Variants in FANCL observed in about 807,000 individuals in gnomAD.
The protein encoded by FANCL is E3 ubiquitin-protein ligase FANCL.
In FANCL, 69 loss-of-function variants were observed where a neutral mutation model predicts 59.4. The observed-to-expected ratio is 1.16, with a 90% CI of 0.96 to 1.42. The LOEUF (loss-of-function observed/expected upper bound fraction) is 1.42, where lower values mean the gene tolerates loss of function less well. Ranked by LOEUF, FANCL falls within the 40% of genes most tolerant of loss-of-function variation. The pLI, the probability that FANCL is intolerant of heterozygous loss-of-function variation, is 0.00. For synonymous variants in FANCL, 180 were observed against 147.1 expected (o/e 1.22, Z -1.62); for missense variants, 519 against 447.2 (o/e 1.16, Z -1.45).
intron 9 of FANCL, 80 bp downstream of exon 9, chr2:58,163,354 A>G (rs1014286723): frequency 1.6e-5 from 15 of 960,932 alleles, no homozygotes; most frequent in African/African-American, 1.1e-4. Flanking sequence ...TTAATATACT[A>G]ATATTGTCTA....
At chr2:58,164,214 A>G (rs978359736) in intron 8 of FANCL, among the ~76,000 whole-genome samples, 4 of 152,050 alleles carry the variant, frequency 2.6e-5, no homozygotes, top group African/African-American at 9.6e-5. Context: ...TTTTGAAGGT[A>G]CATAGTGTAA....
chr2:58,191,796 T>C (rs1688947934), intron 7 of FANCL, among the ~76,000 whole-genome samples: 1 of 151,974 alleles, frequency 6.6e-6, no homozygotes, highest in African/African-American at 2.4e-5. Context: ...TTCACCAGTT[T>C]ACAAACTGCA....
intron 7 of FANCL, among the ~76,000 whole-genome samples, chr2:58,172,899 G>A (rs760590237): frequency 2.0e-5 from 3 of 152,180 alleles, no homozygotes; most frequent in Admixed American, 6.5e-5. Context: ...AAAAAATTTA[G>A]ACGAATGCAT....
chr2:58,225,484 T>C (rs572228962), intron 4 of FANCL, among the ~76,000 whole-genome samples: 2 of 152,134 alleles, frequency 1.3e-5, no homozygotes, highest in South Asian at 2.1e-4. Flanking sequence ...CAATGATTGT[T>C]ATTAGAGGCT....
At chr2:58,187,288 T>A (rs533086374) in intron 7 of FANCL, among the ~76,000 whole-genome samples, 82 of 151,968 alleles carry the variant, frequency 5.4e-4, no homozygotes, top group Non-Finnish European at 1.1e-3. Flanking sequence ...AGCTGGAAAC[T>A]ATCATTCTCA....
chr2:58,205,889 A>G (rs370515140), intron 5 of FANCL, among the ~76,000 whole-genome samples: 6 of 152,282 alleles, frequency 3.9e-5, no homozygotes, highest in Non-Finnish European at 7.4e-5. Flanking sequence ...ATAAAACTGC[A>G]TTAAAAATGG....
chr2:58,221,181 C>T (rs1173508540), intron 5 of FANCL, among the ~76,000 whole-genome samples: 2 of 150,232 alleles, frequency 1.3e-5, no homozygotes, highest in East Asian at 1.9e-4. Context: ...GAGCGAGACT[C>T]GGTCTCAAAA....
intron 7 of FANCL, among the ~76,000 whole-genome samples, chr2:58,189,672 TG>T (rs919518888): frequency 6.6e-6 from 1 of 152,146 alleles, no homozygotes; most frequent in African/African-American, 2.4e-5. Context: ...AAAAGCATTT[TG>T]TTACTTTCAT....
In FANCL at chr2:58,161,629, T is replaced by C. The variant is rs553742734; in HGVS notation, c.913A>G (p.Met305Val). The change falls in exon 12 of 14, where the codon ATG becomes GTG. Residue 305 changes from methionine (M) to valine (V), a missense_variant. Met to Val is a conservative substitution (Grantham distance 21). Transcript: ENST00000233741. ...TAAGCATAACAAATTCCACAATCCA[T>C]AGTAAAATCCTTCAAAAGAAAAATA... is the stretch of plus-strand genomic sequence containing the variant. Reference protein sequence around the residue: ...RAILEKSDFTMDCGICYAYQL... With the variant: ...RAILEKSDFTVDCGICYAYQL... 1.6e-5 allele frequency: 25 copies of C among 1,606,938 alleles called. No homozygotes were observed. In the East Asian group the frequency reaches 3.1e-4, roughly 20 times the overall value.
chr2:58,236,684 G>A (rs1422779283), intron 1 of FANCL, among the ~76,000 whole-genome samples: 1 of 151,980 alleles, frequency 6.6e-6, no homozygotes, highest in Non-Finnish European at 1.5e-5. Flanking sequence ...AAAAGGCAAT[G>A]ACTATCATAT....
In FANCL at chr2:58,163,480, C is replaced by T. The variant is rs908924090; in HGVS notation, c.729G>A (p.Arg243=). 2.5e-6 allele frequency: 4 copies of T among 1,610,180 alleles called. 1 individual carries two copies. The South Asian group carries it at 4.4e-5, about 18-fold the overall frequency. The change falls in exon 9 of 14, where the codon AGG becomes AGA. Residue 243 remains arginine, a synonymous_variant. Transcript: ENST00000233741. Reference sequence around the variant, plus strand: ...AGCACTCAGGAAGCATAGTAGGATGCCTGGGGTCTACCTCTATATTTATGG... The same window carrying T: ...AGCACTCAGGAAGCATAGTAGGATGTCTGGGGTCTACCTCTATATTTATGG... ...NVSINIEVDP[R]HPTMLPECFF... is the part of the protein sequence containing the mutation.
intron 7 of FANCL, among the ~76,000 whole-genome samples, chr2:58,189,049 AT>A (rs1688677983): frequency 6.6e-6 from 1 of 152,204 alleles, no homozygotes. Flanking sequence ...CTGCAAACAA[AT>A]CAATGGTAGC....
At chr2:58,174,316 C>A (rs140717930) in intron 7 of FANCL, among the ~76,000 whole-genome samples, 129 of 152,248 alleles carry the variant, frequency 8.5e-4, no homozygotes, top group African/African-American at 2.8e-3. Context: ...ACTTTCCACC[C>A]CAAATCAACA....
chr2:58,196,647 G>A (rs951043885), intron 7 of FANCL, among the ~76,000 whole-genome samples: 2 of 151,896 alleles, frequency 1.3e-5, no homozygotes, highest in African/African-American at 2.4e-5. Flanking sequence ...CAGTCTAGTA[G>A]AGAGTCACAA....
chr2:58,188,397 C>A (rs1367095762), intron 7 of FANCL, among the ~76,000 whole-genome samples: 1 of 151,916 alleles, frequency 6.6e-6, no homozygotes, highest in Non-Finnish European at 1.5e-5. Context: ...GCAGCCTTTG[C>A]ACATACATTT....
chr2:58,232,007 C>A (rs1693629386), intron 2 of FANCL, 47 bp downstream of exon 2: 1 of 1,513,000 alleles, frequency 6.6e-7, no homozygotes, highest in Non-Finnish European at 9.2e-7. Context: ...TACTGCCTGT[C>A]CCACCAAAAT....
At chr2:58,207,485 T>C (rs1246384955) in intron 5 of FANCL, among the ~76,000 whole-genome samples, 1 of 152,166 alleles carries the variant, frequency 6.6e-6, no homozygotes, top group East Asian at 1.9e-4. Flanking sequence ...CCTGGATTCT[T>C]GAATGTCCTT....
intron 7 of FANCL, among the ~76,000 whole-genome samples, chr2:58,195,012 A>T (rs966052206): frequency 9.2e-5 from 14 of 152,038 alleles, no homozygotes; most frequent in Non-Finnish European, 1.9e-4. Context: ...GCAGAAAGGG[A>T]TTTTTAAAAA....
At chr2:58,174,330 T>C (rs1209528146) in intron 7 of FANCL, among the ~76,000 whole-genome samples, 5 of 152,146 alleles carry the variant, frequency 3.3e-5, no homozygotes, top group African/African-American at 9.7e-5. Context: ...ATCAACAGAA[T>C]ATACATTTTT....
Sources: gnomAD v4.1 joint callset for allele counts (sites outside exome capture counted in the v4.1 genomes callset) on GRCh38, gnomAD v4.1.1 for gene constraint, MANE v1.5 for transcripts, NCBI Gene and HGNC (gene_info 2026-07-23, HGNC 2026-07-21) for gene names.